MAGI1: variants seen among roughly 807,000 people sequenced by gnomAD.
The protein encoded by MAGI1 is membrane associated guanylate kinase, WW and PDZ domain containing 1, also known as membrane-associated guanylate kinase, WW and PDZ domain-containing protein 1.
In MAGI1, 58 loss-of-function variants were observed where a neutral mutation model predicts 139.9. That is an observed-to-expected ratio of 0.41 (90% CI 0.34 to 0.52). MAGI1 has a LOEUF of 0.52. Ranked by LOEUF, MAGI1 falls within the 20% of genes least tolerant of loss-of-function variation. The probability of loss-of-function intolerance (pLI) is 0.12; values close to 1 mark genes in which losing one functional copy is unlikely to be tolerated. For missense variants in MAGI1, 1,874 were observed against 1,901.6 expected, an observed-to-expected ratio of 0.99 and a Z score of 0.27; for synonymous variants, 812 against 737.9, an observed-to-expected ratio of 1.10 and a Z score of -1.63.
In MAGI1 at chr3:65,355,030, G is replaced by A. The variant is rs1459120439; in HGVS notation, c.*1348C>T. ...ACTGTAAGCAGCGGTTTGCTGTAGTGGTCCAACAGGTACAAGCAAACATTT... is the reference window on the plus strand; with the variant it reads ...ACTGTAAGCAGCGGTTTGCTGTAGTAGTCCAACAGGTACAAGCAAACATTT... On this transcript the variant is annotated 3_prime_UTR_variant, in exon 23 of 23. Transcript: ENST00000402939. The A allele has an allele frequency of 6.6e-6, 1 of 152,326 alleles. No individual in the cohort carries two copies. The highest frequency in any genetic ancestry group is 2.4e-5 in the African/African-American group (1 of 41,334). 9.4% of individuals were successfully genotyped at this position (152,326 alleles called of 1,614,324 possible).
At chr3:65,446,500 T>C (rs1374285587) in intron 7 of MAGI1, among the ~76,000 whole-genome samples, 1 of 152,222 alleles carries the variant, frequency 6.6e-6, no homozygotes, top group Non-Finnish European at 1.5e-5. Flanking sequence ...ACTTCTTTCC[T>C]GAAAATTTCA....
At chr3:65,415,157 T>C (rs1450643084) in intron 12 of MAGI1, among the ~76,000 whole-genome samples, 1 of 152,222 alleles carries the variant, frequency 6.6e-6, no homozygotes, top group Non-Finnish European at 1.5e-5. Flanking sequence ...AGGAACGTGC[T>C]GTCACAGACC....
chr3:65,913,176 G>A (rs554568379), intron 1 of MAGI1, among the ~76,000 whole-genome samples: 73 of 152,154 alleles, frequency 4.8e-4, no homozygotes, highest in African/African-American at 1.5e-3. Flanking sequence ...CACAGGAGGC[G>A]GAGGTTGAAC....
intron 12 of MAGI1, among the ~76,000 whole-genome samples, chr3:65,411,765 G>A (rs1945809503): frequency 6.6e-6 from 1 of 152,222 alleles, no homozygotes; most frequent in African/African-American, 2.4e-5. Context: ...TCAGGACCAA[G>A]ATAGAAACCC....
Position 65,478,628 on chromosome 3 carries a change from C to G in MAGI1, c.721G>C (p.Glu241Gln), listed in dbSNP as rs765516871. 4 of 1,614,082 alleles carry G rather than the reference C, an allele frequency of 2.5e-6. No individual in the cohort carries two copies. The highest frequency in any genetic ancestry group is 3.4e-6 in the Non-Finnish European group (4 of 1,179,994). ...CTGTTCATTTCAGGAACGTCATCCT[C>G]CTCCTCATTCTCCGCGTGGACTATG... is the stretch of plus-strand genomic sequence containing the variant. ...AGIVHAENEEEDDVPEMNSSF... is the reference protein window; with the variant it reads ...AGIVHAENEEQDDVPEMNSSF... The change falls in exon 4 of 23, where the codon GAG becomes CAG. Residue 241 changes from glutamate (E) to glutamine (Q), a missense_variant. Physicochemically the swap from Glu to Gln is conservative, Grantham distance 29. Transcript: ENST00000402939.
chr3:65,772,479 G>T (rs778198751), intron 1 of MAGI1, among the ~76,000 whole-genome samples: 5 of 152,138 alleles, frequency 3.3e-5, no homozygotes, highest in African/African-American at 4.8e-5. Flanking sequence ...GTAGGCAAAA[G>T]ACCTAACTGA....
intron 2 of MAGI1, among the ~76,000 whole-genome samples, chr3:65,512,556 A>T (rs1034182826): frequency 6.6e-6 from 1 of 152,182 alleles, no homozygotes; most frequent in Non-Finnish European, 1.5e-5. Flanking sequence ...GAAAATCTAG[A>T]AGAAATGGAT....
At chr3:65,620,111 T>C (rs1403701952) in intron 2 of MAGI1, 2 of 321,548 alleles carry the variant, frequency 6.2e-6, no homozygotes, top group Admixed American at 6.5e-5. Flanking sequence ...AATGTAACCA[T>C]GGTAACACCA....
intron 1 of MAGI1, among the ~76,000 whole-genome samples, chr3:65,781,012 A>G (rs1406537915): frequency 1.3e-5 from 2 of 152,206 alleles, no homozygotes; most frequent in Non-Finnish European, 2.9e-5. Context: ...TCTGGCCAAC[A>G]TAGTGAAACC....
Position 66,038,695 on chromosome 3 carries a change from G to A in MAGI1, c.-387C>T. ...GTGCCTCCTCTTTGCCTCCCGCCCG[G>A]CTCGCCTCTCCTCGCTGGCAGGCTG... On this transcript the variant is annotated 5_prime_UTR_variant, in exon 1 of 23. Coordinates refer to ENST00000402939, the MANE Select transcript of MAGI1 (RefSeq NM_001033057.2). 1 of 177,296 alleles carries A rather than the reference G, an allele frequency of 5.6e-6. No individual in the cohort carries two copies. The highest frequency in any genetic ancestry group is 5.8e-5 in the Admixed American group (1 of 17,158). 11.0% of individuals were successfully genotyped at this position (177,296 alleles called of 1,614,324 possible).
chr3:65,416,176 C>T (rs965599328), intron 12 of MAGI1, among the ~76,000 whole-genome samples: 1 of 152,124 alleles, frequency 6.6e-6, no homozygotes, highest in African/African-American at 2.4e-5. Flanking sequence ...ATAGCTTTTA[C>T]ACAGGTTCAT....
intron 1 of MAGI1, among the ~76,000 whole-genome samples, chr3:65,767,522 C>T (rs1392622909): frequency 6.6e-6 from 1 of 152,086 alleles, no homozygotes; most frequent in Non-Finnish European, 1.5e-5. Flanking sequence ...TCCTGTCATC[C>T]TAAATTGGAG....
intron 1 of MAGI1, among the ~76,000 whole-genome samples, chr3:66,020,165 C>T (rs565046399): frequency 3.3e-5 from 5 of 152,184 alleles, no homozygotes; most frequent in Admixed American, 1.3e-4. Context: ...CTTGGCCGGG[C>T]GCAGTGGCTC....
intron 1 of MAGI1, among the ~76,000 whole-genome samples, chr3:65,753,148 T>G (rs902323065): frequency 1.3e-5 from 2 of 152,000 alleles, no homozygotes; most frequent in Non-Finnish European, 2.9e-5. Flanking sequence ...GAGACCGAGA[T>G]GAGAAAATCT....
At chr3:65,492,048 A>G (rs1282673821) in intron 3 of MAGI1, among the ~76,000 whole-genome samples, 1 of 152,172 alleles carries the variant, frequency 6.6e-6, no homozygotes. Flanking sequence ...TAAAGCTATA[A>G]TGTCCCTAAT....
In MAGI1 at chr3:65,665,491, A is replaced by C. The variant is rs569638895; in HGVS notation, c.314-43403T>G. Among the ~76,000 whole-genome samples, 3 of 152,346 alleles carry C rather than the reference A, an allele frequency of 2.0e-5. No individual in the cohort carries two copies. The South Asian group carries it at 6.2e-4, about 32-fold the overall frequency. On this transcript the variant is annotated intron_variant, in intron 1 of 22. Coordinates refer to ENST00000402939, the MANE Select transcript of MAGI1 (RefSeq NM_001033057.2). ...CCCTTCTCAGTGACATCTTATTATA[A>C]AGAAATACTGCATATGTGATTTGAA...
chr3:65,655,064 G>A (rs990608713), intron 1 of MAGI1, among the ~76,000 whole-genome samples: 6 of 152,134 alleles, frequency 3.9e-5, no homozygotes. Context: ...AAGCCCAGTT[G>A]CAAACATTAT....
At chr3:65,693,633 A>G (rs1416393797) in intron 1 of MAGI1, among the ~76,000 whole-genome samples, 1 of 152,210 alleles carries the variant, frequency 6.6e-6, no homozygotes, top group African/African-American at 2.4e-5. Context: ...TGGAGAGACC[A>G]AAGGCGGCCT....
intron 1 of MAGI1, among the ~76,000 whole-genome samples, chr3:65,985,122 T>A (rs978976799): frequency 1.3e-5 from 2 of 152,188 alleles, no homozygotes; most frequent in African/African-American, 4.8e-5. Context: ...CTCTCTTGAT[T>A]TCTGTGAGGA....
Sources: gnomAD v4.1 joint callset for allele counts (sites outside exome capture counted in the v4.1 genomes callset) on GRCh38, gnomAD v4.1.1 for gene constraint, MANE v1.5 for transcripts, NCBI Gene and HGNC (gene_info 2026-07-23, HGNC 2026-07-21) for gene names.